The following OSBP2 variants were observed in gnomAD, a reference collection of about 807,000 sequenced individuals.
The protein encoded by OSBP2 is oxysterol-binding protein 2.
In OSBP2, 66 loss-of-function variants were observed where a neutral mutation model predicts 96.0. That is an observed-to-expected ratio of 0.69 (90% confidence interval 0.56 to 0.84). The LOEUF (loss-of-function observed/expected upper bound fraction) is 0.84, where lower values mean the gene tolerates loss of function less well. OSBP2 is among the 40% of genes least tolerant of loss of function. OSBP2 has a pLI of 0.00. For synonymous variants in OSBP2, 525 were observed against 520.9 expected (o/e 1.01, Z -0.11); for missense variants, 1,038 against 1,222.7 (o/e 0.85, Z 2.25).
At chr22:30,792,771 C>T (rs954896807) in intron 2 of OSBP2, among the ~76,000 whole-genome samples, 2 of 152,172 alleles carry the variant, frequency 1.3e-5, no homozygotes, top group East Asian at 1.9e-4. Context: ...CACAAGCCTC[C>T]GGTCTTCCAC....
intron 2 of OSBP2, among the ~76,000 whole-genome samples, chr22:30,743,395 G>T (rs5997753): frequency 0.02 from 3,062 of 152,278 alleles, 106 homozygotes; most frequent in African/African-American, 0.069. Flanking sequence ...TCTCCCTGAG[G>T]TGTCAGCACT....
chr22:30,821,024 T>C (rs2038260540), intron 2 of OSBP2, among the ~76,000 whole-genome samples: 1 of 152,204 alleles, frequency 6.6e-6, no homozygotes, highest in South Asian at 2.1e-4. Context: ...ATAAATTACA[T>C]TTGATCAATT....
intron 1 of OSBP2, among the ~76,000 whole-genome samples, chr22:30,732,264 A>G (rs1250014434): frequency 1.3e-5 from 2 of 152,156 alleles, no homozygotes; most frequent in Non-Finnish European, 2.9e-5. Context: ...AGATAGCGCC[A>G]TTGCACTCCA....
chr22:30,783,675 A>G (rs1028402800), intron 2 of OSBP2, among the ~76,000 whole-genome samples: 1 of 152,046 alleles, frequency 6.6e-6, no homozygotes, highest in African/African-American at 2.4e-5. Flanking sequence ...CGATAATACT[A>G]TTGCTTCCCA....
intron 2 of OSBP2, among the ~76,000 whole-genome samples, chr22:30,817,980 G>T (rs1350665545): frequency 6.6e-6 from 1 of 152,020 alleles, no homozygotes; most frequent in Non-Finnish European, 1.5e-5. Context: ...CTGCAGCCTT[G>T]ACCTCCCCAG....
intron 1 of OSBP2, among the ~76,000 whole-genome samples, chr22:30,702,016 C>A (rs2145669788): frequency 6.6e-6 from 1 of 152,304 alleles, no homozygotes; most frequent in Non-Finnish European, 1.5e-5. Flanking sequence ...CATGAACTGT[C>A]ATTTTCCCCA....
At chr22:30,757,301 A>G (rs1338389498) in intron 2 of OSBP2, among the ~76,000 whole-genome samples, 1 of 152,186 alleles carries the variant, frequency 6.6e-6, no homozygotes, top group East Asian at 1.9e-4. Flanking sequence ...CCCCCCTGCC[A>G]TATGAATCCC....
intron 1 of OSBP2, among the ~76,000 whole-genome samples, chr22:30,733,816 T>C (rs2089814618): frequency 6.6e-6 from 1 of 152,216 alleles, no homozygotes; most frequent in South Asian, 2.1e-4. Context: ...TATTATTTTG[T>C]TGAGAATCGG....
rs775009989 is a variant in OSBP2 at position 30,738,852 on chromosome 22, G to A, written c.645-2309G>A. On this transcript the variant is annotated intron_variant, in intron 1 of 13. Coordinates refer to ENST00000332585, the MANE Select transcript of OSBP2 (RefSeq NM_030758.4). ...GCTGGGATTACAGGCGTGAGCCACC[G>A]TGCCCAGCTGACAAATGTCTGATTG... Among the ~76,000 whole-genome samples the A allele has an allele frequency of 4.6e-5, 7 of 152,142 alleles. 1 individual carries two copies. Among genetic ancestry groups the A allele is most frequent in the East Asian group, 1.9e-4 (1 of 5,194 alleles).
At chr22:30,808,690 G>C (rs136256) in intron 2 of OSBP2, among the ~76,000 whole-genome samples, 110,410 of 150,724 alleles carry the variant, frequency 0.73, 40,843 homozygotes, top group African/African-American at 0.86. Flanking sequence ...CGTGGTGGCT[G>C]ACACCTGTAA....
chr22:30,864,834 G>A (rs1378320242), intron 2 of OSBP2, among the ~76,000 whole-genome samples: 1 of 152,156 alleles, frequency 6.6e-6, no homozygotes, highest in Non-Finnish European at 1.5e-5. Flanking sequence ...GAGGGGACGG[G>A]TCCCTGCTGG....
intron 2 of OSBP2, among the ~76,000 whole-genome samples, chr22:30,818,053 G>C (rs2091101949): frequency 6.6e-6 from 1 of 152,070 alleles, no homozygotes; most frequent in African/African-American, 2.4e-5. Context: ...GCACCACTAT[G>C]CCCAGCTAAT....
At chr22:30,734,914 T>C (rs1329585999) in intron 1 of OSBP2, among the ~76,000 whole-genome samples, 2 of 152,102 alleles carry the variant, frequency 1.3e-5, no homozygotes, top group Non-Finnish European at 1.5e-5. Flanking sequence ...AGGCTGGGTG[T>C]GGTTGGTGGC....
Position 30,905,867 on chromosome 22 carries a change from A to C in OSBP2, c.2406A>C (p.Ser802=). 6.2e-7 allele frequency: 1 copy of C among 1,613,432 alleles called. No individual in the cohort carries two copies. The highest frequency in any genetic ancestry group is 8.5e-7 in the Non-Finnish European group (1 of 1,179,688). ...ACGCGGAGAACATGTACTACTTCTC[A>C]GAGCTGGCCCTGACCCTCAACGAGC... The part of the protein sequence containing the change: ...PENAENMYYF[S]ELALTLNEHE... Residue 802 remains serine (S), a synonymous_variant, in exon 13 of 14, where the codon TCA becomes TCC. Transcript: ENST00000332585.
chr22:30,737,349 G>C (rs1234699879), intron 1 of OSBP2, among the ~76,000 whole-genome samples: 1 of 142,762 alleles, frequency 7.0e-6, no homozygotes, highest in African/African-American at 2.6e-5. Flanking sequence ...TTAAAGACAG[G>C]GTCTCACTCT....
intron 2 of OSBP2, among the ~76,000 whole-genome samples, chr22:30,867,778 G>A (rs145747614): frequency 6.1e-4 from 93 of 152,380 alleles, no homozygotes; most frequent in African/African-American, 1.9e-3. Context: ...ACAGAAGGAT[G>A]CTAACATGCT....
At chr22:30,772,848 A>C (rs1379300699) in intron 2 of OSBP2, among the ~76,000 whole-genome samples, 1 of 148,944 alleles carries the variant, frequency 6.7e-6, no homozygotes, top group Non-Finnish European at 1.5e-5. Flanking sequence ...GCTGGAGTGC[A>C]GTGGCGTGGT....
chr22:30,775,803 T>A (rs995913930), intron 2 of OSBP2, among the ~76,000 whole-genome samples: 2 of 148,044 alleles, frequency 1.4e-5, no homozygotes, highest in African/African-American at 2.6e-5. Flanking sequence ...GGGGAGGTTG[T>A]TTTTTTTTCT....
intron 1 of OSBP2, among the ~76,000 whole-genome samples, chr22:30,737,676 C>G (rs1444697982): frequency 6.6e-6 from 1 of 151,876 alleles, no homozygotes; most frequent in Non-Finnish European, 1.5e-5. Flanking sequence ...TGATTTTAGG[C>G]CCACAATGTT....
Sources: gnomAD v4.1 joint callset for allele counts (sites outside exome capture counted in the v4.1 genomes callset) on GRCh38, gnomAD v4.1.1 for gene constraint, MANE v1.5 for transcripts, NCBI Gene and HGNC (gene_info 2026-07-23, HGNC 2026-07-21) for gene names.